ASIC2: variants seen among roughly 807,000 people sequenced by gnomAD.
ASIC2 encodes acid sensing ion channel subunit 2.
ASIC2 carries 25 observed loss-of-function variants against 57.3 expected under a neutral mutation model. The ratio of observed to expected loss-of-function variants is 0.44; its 90% CI spans 0.32 to 0.61. ASIC2 has a LOEUF of 0.61. Among genes scored for constraint, ASIC2 ranks in the 20% least tolerant of loss-of-function variants. ASIC2 has a pLI of 0.06. For missense variants in ASIC2, 641 were observed against 738.1 expected (o/e 0.87, Z 1.52); for synonymous variants, 319 against 307.5 (o/e 1.04, Z -0.39).
intron 1 of ASIC2, among the ~76,000 whole-genome samples, chr17:33,727,389 C>T (rs998166471): frequency 6.6e-6 from 1 of 152,054 alleles, no homozygotes; most frequent in Non-Finnish European, 1.5e-5. Flanking sequence ...ATAAATGGTC[C>T]GATTTTTTTA....
chr17:33,185,727 T>C (rs1005243142), intron 1 of ASIC2, among the ~76,000 whole-genome samples: 1 of 152,306 alleles, frequency 6.6e-6, no homozygotes, highest in East Asian at 1.9e-4. Flanking sequence ...TCACTGTGTA[T>C]GTGAGGAAAC....
intron 1 of ASIC2, among the ~76,000 whole-genome samples, chr17:33,939,462 G>A (rs577686317): frequency 6.6e-6 from 1 of 152,278 alleles, no homozygotes; most frequent in East Asian, 1.9e-4. Context: ...GCTATCTAAG[G>A]TCACAAAGCA....
chr17:33,523,340 T>A (rs9909314), intron 1 of ASIC2, among the ~76,000 whole-genome samples: 7 of 152,012 alleles, frequency 4.6e-5, no homozygotes, highest in Non-Finnish European at 8.8e-5. Context: ...CACTGCAACC[T>A]CCTACTCCCA....
At chr17:33,099,160 GT>G (rs934751986) in intron 2 of ASIC2, among the ~76,000 whole-genome samples, 6 of 150,198 alleles carry the variant, frequency 4.0e-5, no homozygotes, top group African/African-American at 9.8e-5. Flanking sequence ...GCCCGGCTAG[GT>G]TTTTTTTTGT....
intron 1 of ASIC2, among the ~76,000 whole-genome samples, chr17:33,779,700 G>C (rs1202450265): frequency 6.6e-6 from 1 of 152,106 alleles, no homozygotes; most frequent in Non-Finnish European, 1.5e-5. Flanking sequence ...TCCCGCAAAG[G>C]GGTTTTAGTG....
intron 1 of ASIC2, among the ~76,000 whole-genome samples, chr17:33,591,559 G>A (rs1000537236): frequency 2.6e-5 from 4 of 152,100 alleles, no homozygotes; most frequent in African/African-American, 4.8e-5. Flanking sequence ...TCCTTTCTGG[G>A]CCATCCCCCC....
chr17:33,852,987 TC>T (rs749385710), intron 1 of ASIC2, among the ~76,000 whole-genome samples: 13 of 151,662 alleles, frequency 8.6e-5, no homozygotes, highest in Admixed American at 4.6e-4. Context: ...CTAAAGCCTT[TC>T]CCCCCCGTCA....
chr17:33,810,064 T>C (rs747248921), intron 1 of ASIC2, among the ~76,000 whole-genome samples: 1 of 152,222 alleles, frequency 6.6e-6, no homozygotes, highest in Admixed American at 6.5e-5. Context: ...TGCTGCTTTT[T>C]AATTCTTACA....
At chr17:33,972,544 A>C (rs1477033784) in intron 1 of ASIC2, among the ~76,000 whole-genome samples, 4 of 152,242 alleles carry the variant, frequency 2.6e-5, no homozygotes, top group Admixed American at 2.6e-4. Context: ...AGCATCAAGA[A>C]GCATTCTCTG....
intron 1 of ASIC2, among the ~76,000 whole-genome samples, chr17:34,117,082 G>T (rs1217521513): frequency 1.3e-5 from 2 of 151,630 alleles, no homozygotes; most frequent in Non-Finnish European, 2.9e-5. Flanking sequence ...ACACACACAG[G>T]TTACTGTCAG....
intron 3 of ASIC2, chr17:33,052,448 G>T (rs1404191872): frequency 6.6e-6 from 1 of 152,194 alleles, no homozygotes; most frequent in East Asian, 1.9e-4. Context: ...CTTGACAACT[G>T]CCTTAGAGCC....
At chr17:33,922,179 C>T (rs1567756880) in intron 1 of ASIC2, among the ~76,000 whole-genome samples, 1 of 152,124 alleles carries the variant, frequency 6.6e-6, no homozygotes, top group Non-Finnish European at 1.5e-5. Flanking sequence ...TGATTAAGAC[C>T]AGTATTGAAT....
chr17:33,366,076 A>T (rs1567837262), intron 1 of ASIC2, among the ~76,000 whole-genome samples: 1 of 152,238 alleles, frequency 6.6e-6, no homozygotes, highest in Non-Finnish European at 1.5e-5. Context: ...CTCTAAGAAC[A>T]GAGGCTGTTT....
chr17:33,585,708 C>CT (rs1171035197), intron 1 of ASIC2, among the ~76,000 whole-genome samples: 1 of 152,118 alleles, frequency 6.6e-6, no homozygotes, highest in Non-Finnish European at 1.5e-5. Context: ...ATTTCTTATC[C>CT]TTTTTTGTTA....
At chr17:33,927,232 A>AT (rs1402556850) in intron 1 of ASIC2, among the ~76,000 whole-genome samples, 1 of 152,112 alleles carries the variant, frequency 6.6e-6, no homozygotes, top group African/African-American at 2.4e-5. Context: ...CCTAGCCTCA[A>AT]TTTTGGAACA....
chr17:33,647,157 G>A (rs1275703341), intron 1 of ASIC2, among the ~76,000 whole-genome samples: 1 of 152,164 alleles, frequency 6.6e-6, no homozygotes, highest in African/African-American at 2.4e-5. Flanking sequence ...GAAAGCACCT[G>A]CCTGGGGTGG....
intron 1 of ASIC2, among the ~76,000 whole-genome samples, chr17:33,857,772 T>A (rs1914001039): frequency 6.6e-6 from 1 of 152,158 alleles, no homozygotes; most frequent in Non-Finnish European, 1.5e-5. Flanking sequence ...ATCCAACATA[T>A]CTCCTTCAGA....
chr17:33,197,993 G>A (rs973746626), intron 1 of ASIC2, among the ~76,000 whole-genome samples: 7 of 152,148 alleles, frequency 4.6e-5, no homozygotes, highest in Admixed American at 4.6e-4. Context: ...CCTGGCTCCT[G>A]GGAACATTAT....
intron 1 of ASIC2, among the ~76,000 whole-genome samples, chr17:33,165,234 C>T (rs1905272316): frequency 6.6e-6 from 1 of 152,164 alleles, no homozygotes; most frequent in Non-Finnish European, 1.5e-5. Context: ...GCTGGGCTTT[C>T]CCCTTTGTGG....
Sources: gnomAD v4.1 joint callset for allele counts (sites outside exome capture counted in the v4.1 genomes callset) on GRCh38, gnomAD v4.1.1 for gene constraint, MANE v1.5 for transcripts, NCBI Gene and HGNC (gene_info 2026-07-23, HGNC 2026-07-21) for gene names.